COLGALT1: variants seen among roughly 807,000 people sequenced by gnomAD.
The protein encoded by COLGALT1 is procollagen galactosyltransferase 1.
COLGALT1 carries 43 observed loss-of-function variants against 60.8 expected under a neutral mutation model. That is an observed-to-expected ratio of 0.71 (90% confidence interval 0.55 to 0.91). COLGALT1 has a LOEUF of 0.91. Among genes scored for constraint, COLGALT1 ranks in the 40% least tolerant of loss-of-function variants. COLGALT1 has a pLI of 0.00. For synonymous variants in COLGALT1, 369 were observed against 374.2 expected (o/e 0.99, Z 0.16); for missense variants, 845 against 880.0 (o/e 0.96, Z 0.50).
chr19:17,581,108 A>C (rs60227951), intron 11 of COLGALT1, 69 bp from the exon 12 acceptor site: 2 of 1,551,502 alleles, frequency 1.3e-6, no homozygotes, highest in East Asian at 2.3e-5. Flanking sequence ...CTTCACCCCC[A>C]ATTTTTCCTC....
chr19:17,581,373 C>A lies in COLGALT1; in HGVS notation c.1798C>A (p.Leu600Met), dbSNP rs944782088. 1.9e-6 allele frequency: 3 copies of A among 1,613,232 alleles called. No individual in the cohort carries two copies. In the South Asian group the frequency reaches 3.3e-5, roughly 18 times the overall value. Residue 600 changes from leucine (L) to methionine (M), a missense_variant, in exon 12 of 12, where the codon CTG becomes ATG. Physicochemically the swap from Leu to Met is conservative, Grantham distance 15. Transcript: ENST00000252599. Reference sequence around the variant, plus strand: ...CCAGAAGATGCGGGAGCAGCAGGCACTGAGCCGTGAGGCCAAGAACTCGGA... The same window carrying A: ...CCAGAAGATGCGGGAGCAGCAGGCAATGAGCCGTGAGGCCAAGAACTCGGA... ...KSQKMREQQALSREAKNSDVL... is the reference protein window; with the variant it reads ...KSQKMREQQAMSREAKNSDVL...
At chr19:17,568,909 G>A (rs770548647) in intron 5 of COLGALT1, among the ~76,000 whole-genome samples, 196 bp downstream of exon 5, 1 of 152,156 alleles carries the variant, frequency 6.6e-6, no homozygotes, top group African/African-American at 2.4e-5. Flanking sequence ...GGCTTTGCTG[G>A]TTAGCTTCAT....
intron 1 of COLGALT1, 43 bp downstream of exon 1, chr19:17,556,016 C>T (rs2076208688): frequency 7.8e-7 from 1 of 1,285,200 alleles, no homozygotes; most frequent in Non-Finnish European, 9.9e-7. Context: ...TCACGCGAGC[C>T]CCTGCTTGCT....
Position 17,560,439 on chromosome 19 carries a change from C to G in COLGALT1, c.463C>G (p.Arg155Gly), listed in dbSNP as rs142311552. 5.8e-4 allele frequency: 944 copies of G among 1,614,108 alleles called. 2 individuals are homozygous for G. The highest frequency in any genetic ancestry group is 3.0e-3 in the Middle Eastern group (18 of 6,062). The change falls in exon 3 of 12, where the codon CGA becomes GGA. Residue 155 changes from arginine (R) to glycine (G), a missense_variant. By Grantham distance (125) the Arg-to-Gly change is moderately radical (BLOSUM62 -2). Coordinates refer to ENST00000252599, the MANE Select transcript of COLGALT1 (RefSeq NM_024656.4). ...KLRQAALKSA[R>G]DMWADYILFV... is the part of the protein sequence containing the mutation. ...GCGCCAGGCAGCCCTGAAATCAGCTCGAGACATGTGGGCTGATTACATCCT... is the reference window on the plus strand; with the variant it reads ...GCGCCAGGCAGCCCTGAAATCAGCTGGAGACATGTGGGCTGATTACATCCT...
In COLGALT1 at chr19:17,580,823, C is replaced by T. The variant is rs183198845; in HGVS notation, c.1519C>T (p.Arg507Cys). 6.7e-5 allele frequency: 108 copies of T among 1,613,982 alleles called. 1 individual carries two copies. Among genetic ancestry groups the T allele is most frequent in the East Asian group, 3.3e-4 (15 of 44,864 alleles). The change falls in exon 11 of 12, where the codon CGC becomes TGC. Residue 507 changes from arginine (R) to cysteine (C), a missense_variant. Transcript: ENST00000252599. ...CTACGTGATCTCCCTGCAAGGCGCCCGCAAACTGCTGGCTGCTGAGCCGCT... is the reference window on the plus strand; with the variant it reads ...CTACGTGATCTCCCTGCAAGGCGCCTGCAAACTGCTGGCTGCTGAGCCGCT... ...LAYVISLQGA[R>C]KLLAAEPLSK...
chr19:17,582,993 T>G lies in COLGALT1; in HGVS notation c.*1549T>G, dbSNP rs1428882285. On this transcript the variant is annotated 3_prime_UTR_variant, in exon 12 of 12. Transcript: ENST00000252599. ...TTTGGGGGCTTTTAGGGGACCCAGC[T>G]GCACTGGGGCACTGCCCGTGGCCTG... is the stretch of plus-strand genomic sequence containing the variant. 1 of 152,348 alleles carries G rather than the reference T, an allele frequency of 6.6e-6. No homozygotes were observed. Among genetic ancestry groups the G allele is most frequent in the Non-Finnish European group, 1.5e-5 (1 of 68,142 alleles). The allele number at this position is 152,348 out of a possible 1,614,324, so 9.4% of individuals were successfully genotyped here.
rs2144816698 is a variant in COLGALT1 at position 17,560,339 on chromosome 19, T to A, written c.372-9T>A. On this transcript the variant is annotated splice_polypyrimidine_tract_variant and intron_variant, in intron 2 of 11. Coordinates refer to ENST00000252599, the MANE Select transcript of COLGALT1 (RefSeq NM_024656.4). The stretch of plus-strand genomic sequence containing the variant: ...TTGTGATGTCCACATCACAGCTGCC[T>A]CCCCATAGGTCCTACCCGGACGAGG... The A allele has an allele frequency of 6.2e-7, 1 of 1,611,478 alleles. No homozygotes were observed. Among genetic ancestry groups the A allele is most frequent in the East Asian group, 2.2e-5 (1 of 44,844 alleles).
chr19:17,569,192 A>G (rs1260687528), intron 5 of COLGALT1, among the ~76,000 whole-genome samples: 1 of 152,150 alleles, frequency 6.6e-6, no homozygotes, highest in Non-Finnish European at 1.5e-5. Context: ...AGCCTGGGCA[A>G]CAAAGTAAGA....
At chr19:17,566,676 G>A (rs1179057488) in intron 3 of COLGALT1, among the ~76,000 whole-genome samples, 4 of 152,024 alleles carry the variant, frequency 2.6e-5, no homozygotes, top group Non-Finnish European at 2.9e-5. Flanking sequence ...GTGCCTGTAC[G>A]CTCAGCTACT....
intron 6 of COLGALT1, among the ~76,000 whole-genome samples, chr19:17,574,168 C>G (rs1161942164): frequency 6.6e-6 from 1 of 152,172 alleles, no homozygotes; most frequent in African/African-American, 2.4e-5. Context: ...GCCAAAGCCA[C>G]TGCCATTCCC....
intron 6 of COLGALT1, 102 bp downstream of exon 6, chr19:17,572,704 C>G (rs1796127422): frequency 1.3e-6 from 2 of 1,529,850 alleles, no homozygotes; most frequent in Admixed American, 1.9e-5. Flanking sequence ...CAGGCAGATG[C>G]AAGTCCCTGT....
chr19:17,576,183 C>T (rs775000198), intron 6 of COLGALT1, among the ~76,000 whole-genome samples: 9 of 152,158 alleles, frequency 5.9e-5, no homozygotes, highest in Non-Finnish European at 1.3e-4. Flanking sequence ...TGGTGTCCTT[C>T]CCAAAGGGCT....
intron 3 of COLGALT1, among the ~76,000 whole-genome samples, chr19:17,564,329 ATATC>A (rs937368960): frequency 2.0e-5 from 3 of 151,286 alleles, no homozygotes; most frequent in South Asian, 2.1e-4. Context: ...ATATGTATAT[ATATC>A]TATATATGTA....
At chr19:17,580,620 G>T (rs568047299) in intron 10 of COLGALT1, 79 bp from the exon 11 acceptor site, 50 of 1,432,244 alleles carry the variant, frequency 3.5e-5, no homozygotes, top group Non-Finnish European at 4.5e-5. Context: ...ACCTGACGGG[G>T]TAACTAGATC....
At position 17,555,808 on chromosome 19, in the gene COLGALT1, C is replaced by T. The variant is rs1179027745; in HGVS notation, c.95C>T (p.Pro32Leu). The T allele has an allele frequency of 8.0e-7, 1 of 1,257,406 alleles. No homozygotes were observed. Among genetic ancestry groups the T allele is most frequent in the Non-Finnish European group, 1.0e-6 (1 of 1,000,404 alleles). 77.9% of individuals were successfully genotyped at this position (1,257,406 alleles called of 1,614,324 possible). A position where few individuals can be genotyped will look rare whatever the true frequency, so the allele number is the denominator to read the frequency against. The change falls in exon 1 of 12, where the codon CCG (proline) becomes CTG (leucine). Residue 32 changes from proline to leucine, a missense_variant. Pro to Leu is a moderately conservative substitution (Grantham distance 98). Coordinates refer to ENST00000252599, the MANE Select transcript of COLGALT1 (RefSeq NM_024656.4). ...LLAPLPPGAP[P>L]GADAYFPEER... ...GCGCCACTGCCGCCGGGGGCCCCGC[C>T]GGGCGCCGACGCCTACTTCCCCGAG...
At chr19:17,561,445 C>G (rs1339024694) in intron 3 of COLGALT1, among the ~76,000 whole-genome samples, 2 of 151,442 alleles carry the variant, frequency 1.3e-5, no homozygotes, top group African/African-American at 4.9e-5. Flanking sequence ...TTCCAAGAAG[C>G]AGGAGGAAGG....
chr19:17,560,956 G>A (rs2076245464), intron 3 of COLGALT1, among the ~76,000 whole-genome samples: 1 of 151,866 alleles, frequency 6.6e-6, no homozygotes, highest in African/African-American at 2.4e-5. Context: ...TATAATCCCA[G>A]CACTTTAGGA....
chr19:17,580,531 G>T, intron 10 of COLGALT1, 168 bp from the exon 11 acceptor site: 1 of 655,990 alleles, frequency 1.5e-6, no homozygotes, highest in Non-Finnish European at 2.6e-6. Flanking sequence ...CCCCATGACC[G>T]CCAGACCCCT....
At chr19:17,569,504 C>A (rs2076299555) in intron 5 of COLGALT1, among the ~76,000 whole-genome samples, 1 of 151,320 alleles carries the variant, frequency 6.6e-6, no homozygotes, top group African/African-American at 2.4e-5. Context: ...GTGGTGCGAT[C>A]TCGGCTCACT....
Sources: gnomAD v4.1 joint callset for allele counts (sites outside exome capture counted in the v4.1 genomes callset) on GRCh38, gnomAD v4.1.1 for gene constraint, MANE v1.5 for transcripts, NCBI Gene and HGNC (gene_info 2026-07-23, HGNC 2026-07-21) for gene names.